Variants in RTF2 observed in about 807,000 individuals in gnomAD.
RTF2 encodes UPF0549 protein C20orf43.
Under a neutral mutation model 38.0 loss-of-function variants are expected in RTF2, and 18 were observed. The observed-to-expected ratio is 0.47, with a 90% CI of 0.33 to 0.70. RTF2 has a LOEUF of 0.70. RTF2 is among the 30% of genes least tolerant of loss of function. RTF2 has a pLI of 0.02. For synonymous variants in RTF2, 126 were observed against 137.1 expected (o/e 0.92, Z 0.57); for missense variants, 311 against 379.6 (o/e 0.82, Z 1.50).
chr20:56,490,141 A>C (rs1183616888), intron 5 of RTF2, among the ~76,000 whole-genome samples: 2 of 152,130 alleles, frequency 1.3e-5, no homozygotes, highest in Non-Finnish European at 2.9e-5. Flanking sequence ...TCTAGCAATG[A>C]TGTTTTCCCA....
intron 1 of RTF2, among the ~76,000 whole-genome samples, 189 bp downstream of exon 1, chr20:56,468,955 A>G (rs909859471): frequency 6.6e-6 from 1 of 152,328 alleles, no homozygotes; most frequent in Admixed American, 6.5e-5. Flanking sequence ...GACTATTGCC[A>G]TTCACTGGAC....
Position 56,470,820 on chromosome 20 carries a change from A to G in RTF2, c.69+2054A>G, listed in dbSNP as rs535925651. 3.8e-5 allele frequency: 14 copies of G among 372,886 alleles called. No individual in the cohort carries two copies. The Admixed American group carries it at 4.0e-4, about 11-fold the overall frequency. 23.1% of individuals were successfully genotyped at this position (372,886 alleles called of 1,614,324 possible). On this transcript the variant is annotated intron_variant, in intron 1 of 8. Coordinates refer to ENST00000357348, the MANE Select transcript of RTF2 (RefSeq NM_016407.5). ...TTTCTGGGTTGCCGACAACATCCAC[A>G]TGCCAGGAGAGTTACCCCAACTCCA...
rs6024920 is a variant in RTF2 at position 56,510,526 on chromosome 20, A to T, written c.478-2789A>T. ...GGAAGACAGAAGTTTCATAGACAAG[A>T]TGATAATAGTAAGCTCACTGCTCCA... is the stretch of plus-strand genomic sequence containing the variant. On this transcript the variant is annotated intron_variant, in intron 5 of 8. Transcript: ENST00000357348. 3.9e-3 allele frequency among the ~76,000 whole-genome samples: 587 copies of T among 152,358 alleles called. 4 individuals carry two copies. The highest frequency in any genetic ancestry group is 0.013 in the African/African-American group (550 of 41,584).
At chr20:56,491,175 G>T (rs1300085359) in intron 5 of RTF2, among the ~76,000 whole-genome samples, 1 of 152,200 alleles carries the variant, frequency 6.6e-6, no homozygotes, top group Non-Finnish European at 1.5e-5. Flanking sequence ...ATTTTCACTG[G>T]GAGTCTGTTC....
intron 3 of RTF2, 68 bp from the exon 4 acceptor site, chr20:56,476,917 T>TA: frequency 6.6e-7 from 1 of 1,512,928 alleles, no homozygotes; most frequent in South Asian, 1.2e-5. Context: ...TTTGTTGACT[T>TA]ACGTGGTTAA....
chr20:56,494,973 T>C (rs563698099), intron 5 of RTF2, among the ~76,000 whole-genome samples: 6 of 152,348 alleles, frequency 3.9e-5, no homozygotes, highest in African/African-American at 1.2e-4. Flanking sequence ...ATATTTACTT[T>C]GGGAAATTTT....
chr20:56,492,315 T>A (rs747458503), intron 5 of RTF2, among the ~76,000 whole-genome samples: 14 of 151,494 alleles, frequency 9.2e-5, no homozygotes, highest in South Asian at 2.1e-4. Context: ...AGGGCTCAAG[T>A]GATCTTCCCA....
chr20:56,483,022 A>C (rs1982605477), intron 4 of RTF2, among the ~76,000 whole-genome samples: 2 of 152,102 alleles, frequency 1.3e-5, no homozygotes, highest in Non-Finnish European at 2.9e-5. Context: ...CCTTGGACAT[A>C]TTTTCACAAC....
chr20:56,486,055 C>T (rs1274307021), intron 5 of RTF2, among the ~76,000 whole-genome samples: 1 of 152,140 alleles, frequency 6.6e-6, no homozygotes, highest in African/African-American at 2.4e-5. Context: ...CTGGTGGTAG[C>T]GGTGCTGCTC....
At chr20:56,512,873 C>G (rs150339244) in intron 5 of RTF2, among the ~76,000 whole-genome samples, 1 of 152,116 alleles carries the variant, frequency 6.6e-6, no homozygotes, top group South Asian at 2.1e-4. Context: ...GATGTTTTTG[C>G]CCAGGGAAGC....
chr20:56,483,753 GTTAGTCCTC>G (rs1457689822), intron 4 of RTF2, among the ~76,000 whole-genome samples: 2 of 152,106 alleles, frequency 1.3e-5, no homozygotes, highest in African/African-American at 2.4e-5. Flanking sequence ...CGAACTGCAT[GTTAGTCCTC>G]TTTGGCCATT....
At chr20:56,503,481 A>G (rs950870363) in intron 5 of RTF2, among the ~76,000 whole-genome samples, 4 of 152,204 alleles carry the variant, frequency 2.6e-5, no homozygotes, top group Non-Finnish European at 4.4e-5. Flanking sequence ...AAATGGTAGC[A>G]TTTTATATTT....
At position 56,495,230 on chromosome 20, in the gene RTF2, C is replaced by A. The variant is rs775805242; in HGVS notation, c.477+11041C>A. ...TACATCCATCATGAACATTTCCTTC[C>A]TCACTTTTCCGCTTAATGGCTCGAA... On this transcript the variant is annotated intron_variant, in intron 5 of 8. Coordinates refer to ENST00000357348, the MANE Select transcript of RTF2 (RefSeq NM_016407.5). The A allele has an allele frequency of 1.9e-6, 3 of 1,551,172 alleles. No homozygotes were observed. In the East Asian group the frequency reaches 7.3e-5, roughly 38 times the overall value.
intron 5 of RTF2, among the ~76,000 whole-genome samples, chr20:56,509,341 G>C (rs989727613): frequency 6.6e-6 from 1 of 152,196 alleles, no homozygotes; most frequent in Non-Finnish European, 1.5e-5. Context: ...AAATGGGCTG[G>C]TTGCAGTGGC....
intron 5 of RTF2, among the ~76,000 whole-genome samples, chr20:56,489,616 TCTG>T (rs1313205140): frequency 6.6e-6 from 1 of 152,160 alleles, no homozygotes; most frequent in Non-Finnish European, 1.5e-5. Flanking sequence ...CAGCCATTCT[TCTG>T]AGCACTTCCC....
intron 6 of RTF2, chr20:56,515,687 C>T (rs1985003164): frequency 6.6e-6 from 1 of 152,016 alleles, no homozygotes; most frequent in Admixed American, 6.6e-5. Flanking sequence ...CACACACACA[C>T]ACACACGGAA....
chr20:56,516,016 AT>A (rs1280841643), intron 6 of RTF2: 1 of 152,214 alleles, frequency 6.6e-6, no homozygotes, highest in Non-Finnish European at 1.5e-5. Flanking sequence ...GTTGTCTCTT[AT>A]TTGTTTGAAG....
intron 4 of RTF2, among the ~76,000 whole-genome samples, chr20:56,477,452 G>T (rs901832468): frequency 6.6e-6 from 1 of 152,184 alleles, no homozygotes; most frequent in Non-Finnish European, 1.5e-5. Flanking sequence ...TTTCCTGTGG[G>T]ACAGAAAGCA....
At chr20:56,488,993 C>T (rs1363359236) in intron 5 of RTF2, among the ~76,000 whole-genome samples, 1 of 152,224 alleles carries the variant, frequency 6.6e-6, no homozygotes, top group Admixed American at 6.5e-5. Flanking sequence ...AGCCCAGTCT[C>T]AGGCTTTTAC....
Sources: gnomAD v4.1 joint callset for allele counts (sites outside exome capture counted in the v4.1 genomes callset) on GRCh38, gnomAD v4.1.1 for gene constraint, MANE v1.5 for transcripts, NCBI Gene and HGNC (gene_info 2026-07-23, HGNC 2026-07-21) for gene names.